NRG1: variants seen among roughly 807,000 people sequenced by gnomAD.
NRG1 encodes the protein pro-neuregulin-1, membrane-bound isoform.
In NRG1, 18 loss-of-function variants were observed where a neutral mutation model predicts 63.8. The ratio of observed to expected loss-of-function variants is 0.28; its 90% CI spans 0.19 to 0.42. NRG1 has a LOEUF of 0.42. Among genes scored for constraint, NRG1 ranks in the 10% least tolerant of loss-of-function variants. NRG1 has a pLI of 1.00. For synonymous variants in NRG1, 302 were observed against 301.3 expected, an observed-to-expected ratio of 1.00 and a Z score of -0.02; for missense variants, 762 against 814.7, an observed-to-expected ratio of 0.94 and a Z score of 0.79.
intron 1 of NRG1, among the ~76,000 whole-genome samples, chr8:31,868,145 CTT>C (rs1491284664): frequency 0.04 from 2,088 of 52,344 alleles, 83 homozygotes; most frequent in Admixed American, 0.18. Context: ...ACACATACAT[CTT>C]ACACACACAC....
intron 5 of NRG1, among the ~76,000 whole-genome samples, chr8:32,661,328 C>G (rs1802795492): frequency 6.6e-6 from 1 of 152,072 alleles, no homozygotes; most frequent in Non-Finnish European, 1.5e-5. Flanking sequence ...ATCATTTTAC[C>G]AAGACAGAAA....
intron 1 of NRG1, among the ~76,000 whole-genome samples, chr8:32,252,064 T>C (rs1426128055): frequency 6.6e-6 from 1 of 152,208 alleles, no homozygotes; most frequent in Non-Finnish European, 1.5e-5. Flanking sequence ...CTTGTAAATT[T>C]GTTTAGGTTC....
At chr8:31,920,116 C>G (rs1391321179) in intron 1 of NRG1, among the ~76,000 whole-genome samples, 1 of 151,898 alleles carries the variant, frequency 6.6e-6, no homozygotes. Flanking sequence ...TTTCAGTAAT[C>G]AAATATTTAA....
intron 1 of NRG1, among the ~76,000 whole-genome samples, chr8:31,931,303 T>C (rs1329407128): frequency 6.6e-6 from 1 of 151,874 alleles, no homozygotes; most frequent in Non-Finnish European, 1.5e-5. Flanking sequence ...AATAAATAAA[T>C]GACACTCCCC....
chr8:32,548,666 C>G, exon 1 of NRG1: 1 of 1,533,380 alleles, frequency 6.5e-7, no homozygotes, highest in East Asian at 2.5e-5. Flanking sequence ...CGATCCGAGC[C>G]CTTGGACCAA....
At chr8:32,489,174 G>A (rs1826249057) in intron 1 of NRG1, among the ~76,000 whole-genome samples, 1 of 152,158 alleles carries the variant, frequency 6.6e-6, no homozygotes, top group Non-Finnish European at 1.5e-5. Context: ...GCTGCCGCAT[G>A]TGTGGTGGCC....
chr8:32,311,306 A>G (rs964560415), intron 1 of NRG1, among the ~76,000 whole-genome samples: 3 of 152,176 alleles, frequency 2.0e-5, no homozygotes, highest in African/African-American at 7.2e-5. Context: ...CTAACACGTT[A>G]AGTGCTACCG....
chr8:31,898,314 T>C (rs1031091508), intron 1 of NRG1, among the ~76,000 whole-genome samples: 1 of 152,168 alleles, frequency 6.6e-6, no homozygotes, highest in African/African-American at 2.4e-5. Context: ...TACATATATA[T>C]TTTAATAACC....
chr8:32,406,013 G>A (rs954114577), intron 1 of NRG1, among the ~76,000 whole-genome samples: 2 of 152,142 alleles, frequency 1.3e-5, no homozygotes, highest in African/African-American at 4.8e-5. Flanking sequence ...CTCTTCCGCA[G>A]CCAGGGCAAT....
chr8:31,737,756 C>A (rs1814833415), intron 1 of NRG1, among the ~76,000 whole-genome samples: 1 of 152,042 alleles, frequency 6.6e-6, no homozygotes, highest in South Asian at 2.1e-4. Flanking sequence ...GGAAATTGTC[C>A]CTTAAGGTCT....
intron 1 of NRG1, among the ~76,000 whole-genome samples, chr8:32,373,967 G>A (rs1263048251): frequency 6.6e-6 from 1 of 152,060 alleles, no homozygotes; most frequent in African/African-American, 2.4e-5. Context: ...AAAAAGTTTT[G>A]ATATTATGAG....
chr8:32,428,875 G>A (rs549036062), intron 1 of NRG1, among the ~76,000 whole-genome samples: 2 of 152,146 alleles, frequency 1.3e-5, no homozygotes, highest in Non-Finnish European at 2.9e-5. Context: ...AATTTCTACA[G>A]ACTCTCTCAT....
intron 5 of NRG1, among the ~76,000 whole-genome samples, chr8:32,709,641 G>A (rs749423983): frequency 6.6e-6 from 1 of 151,796 alleles, no homozygotes; most frequent in African/African-American, 2.4e-5. Context: ...GGCTGGTCTC[G>A]AACTCCTAGG....
chr8:31,833,057 C>T (rs1825322921), intron 1 of NRG1, among the ~76,000 whole-genome samples: 1 of 151,910 alleles, frequency 6.6e-6, no homozygotes, highest in Admixed American at 6.6e-5. Context: ...CACTTACCTA[C>T]CACCTCTTAC....
chr8:32,719,858 T>A (rs1489504764), intron 5 of NRG1, among the ~76,000 whole-genome samples: 2 of 152,148 alleles, frequency 1.3e-5, no homozygotes, highest in Admixed American at 1.3e-4. Flanking sequence ...TTAGTCCCTG[T>A]TGGTTACATG....
At chr8:32,260,366 G>A (rs1388306816) in intron 1 of NRG1, among the ~76,000 whole-genome samples, 1 of 152,150 alleles carries the variant, frequency 6.6e-6, no homozygotes, top group Admixed American at 6.6e-5. Context: ...AATAGTCATA[G>A]ACAAAACATG....
intron 1 of NRG1, among the ~76,000 whole-genome samples, chr8:32,158,273 C>T (rs1838368906): frequency 6.6e-6 from 1 of 151,364 alleles, no homozygotes; most frequent in Non-Finnish European, 1.5e-5. Flanking sequence ...CTGTGATCAC[C>T]CAGGGTACTT....
chr8:32,653,129 T>TGTTTG (rs1554620116), intron 5 of NRG1, among the ~76,000 whole-genome samples: 2 of 149,312 alleles, frequency 1.3e-5, no homozygotes, highest in South Asian at 2.1e-4. Context: ...TTTGGTTTTT[T>TGTTTG]TTTGTTTGTT....
intron 1 of NRG1, among the ~76,000 whole-genome samples, chr8:32,591,068 T>C (rs1842448866): frequency 1.3e-5 from 2 of 152,172 alleles, no homozygotes; most frequent in Non-Finnish European, 2.9e-5. Context: ...CATCCATAAG[T>C]CAAGGATGCA....
Sources: allele counts gnomAD v4.1 joint callset (sites outside exome capture counted in the v4.1 genomes callset), GRCh38; gene constraint gnomAD v4.1.1; transcripts MANE v1.5; gene names NCBI Gene and HGNC (gene_info 2026-07-23, HGNC 2026-07-21).